WDPCP: variants seen among roughly 807,000 people sequenced by gnomAD.
WDPCP encodes WD repeat containing planar cell polarity effector.
A neutral mutation model predicts 93.1 loss-of-function variants in WDPCP; 71 were observed. The observed-to-expected ratio is 0.76, with a 90% CI of 0.63 to 0.93. The LOEUF (loss-of-function observed/expected upper bound fraction) is 0.93. Ranked by LOEUF, WDPCP falls within the 40% of genes least tolerant of loss-of-function variation. The probability of loss-of-function intolerance (pLI) is 0.00; values close to 1 mark genes in which losing one functional copy is unlikely to be tolerated. For synonymous variants in WDPCP, 315 were observed against 315.0 expected (o/e 1.00, Z 0.00); for missense variants, 844 against 887.4 (o/e 0.95, Z 0.62).
At chr2:63,643,552 C>T (rs572786281) in intron 3 of WDPCP, 12 of 428,484 alleles carry the variant, frequency 2.8e-5, no homozygotes, top group South Asian at 2.1e-4. Flanking sequence ...TCTTGCCAGT[C>T]TCCAAACCAA....
intron 10 of WDPCP, among the ~76,000 whole-genome samples, chr2:63,389,538 A>G (rs1240440656): frequency 6.6e-6 from 1 of 152,180 alleles, no homozygotes; most frequent in African/African-American, 2.4e-5. Flanking sequence ...TCACATTCAC[A>G]CATAACAATA....
At chr2:63,745,641 C>G (rs1669783249) in intron 2 of WDPCP, among the ~76,000 whole-genome samples, 1 of 55,664 alleles carries the variant, frequency 1.8e-5, no homozygotes, top group South Asian at 7.1e-4. Context: ...CATGCACGCA[C>G]TTACACACAC....
intron 1 of WDPCP, among the ~76,000 whole-genome samples, chr2:63,520,824 G>A (rs1301969932): frequency 1.3e-5 from 2 of 151,700 alleles, no homozygotes; most frequent in Admixed American, 6.6e-5. Context: ...TGAGCCTGGG[G>A]AGGTCAAAGC....
At chr2:63,727,731 CATT>C (rs556059406) in intron 2 of WDPCP, among the ~76,000 whole-genome samples, 3 of 152,160 alleles carry the variant, frequency 2.0e-5, no homozygotes, top group African/African-American at 4.8e-5. Flanking sequence ...TTTCAGAACT[CATT>C]GTTGGTCTGT....
At chr2:63,701,789 G>T (rs1245169242) in intron 2 of WDPCP, among the ~76,000 whole-genome samples, 1 of 152,090 alleles carries the variant, frequency 6.6e-6, no homozygotes. Context: ...ATATGTAGGA[G>T]CTTAAAAAGT....
chr2:63,404,031 C>G lies in WDPCP; in HGVS notation c.1435+17G>C, dbSNP rs759899103. The G allele has an allele frequency of 1.2e-6, 2 of 1,613,920 alleles. No homozygotes were observed. The highest frequency in any genetic ancestry group is 1.7e-5 in the Admixed American group (1 of 59,984). On this transcript the variant is annotated intron_variant, in intron 10 of 17. Transcript: ENST00000272321. ...TAAACATTTTAATTTACTTACTCAT[C>G]ACTTTCCTTGACTTACCTAGTTTAA...
intron 1 of WDPCP, among the ~76,000 whole-genome samples, chr2:63,554,183 T>C (rs1705896200): frequency 6.6e-6 from 1 of 152,250 alleles, no homozygotes; most frequent in Non-Finnish European, 1.5e-5. Context: ...ACATTTCTGA[T>C]GCATAAAGCT....
intron 12 of WDPCP, among the ~76,000 whole-genome samples, chr2:63,370,979 A>G (rs1691329683): frequency 6.6e-6 from 1 of 152,070 alleles, no homozygotes; most frequent in Non-Finnish European, 1.5e-5. Flanking sequence ...CGTGGCTCAT[A>G]AATTTTGAGT....
chr2:63,522,473 C>CACACACACAA (rs1333251215), intron 1 of WDPCP, among the ~76,000 whole-genome samples: 10 of 151,190 alleles, frequency 6.6e-5, no homozygotes, highest in African/African-American at 2.4e-4. Context: ...CACACACACA[C>CACACACACAA]ACACACACAC....
At chr2:63,706,083 G>A (rs978848524) in intron 2 of WDPCP, among the ~76,000 whole-genome samples, 4 of 152,028 alleles carry the variant, frequency 2.6e-5, no homozygotes, top group Non-Finnish European at 4.4e-5. Flanking sequence ...ATCTTTGTTG[G>A]TTTAAAGTCT....
At chr2:63,281,377 G>T (rs948740866) in intron 13 of WDPCP, among the ~76,000 whole-genome samples, 10 of 152,246 alleles carry the variant, frequency 6.6e-5, no homozygotes, top group Admixed American at 6.5e-4. Context: ...TTACACTGTT[G>T]GTGGGAATGT....
chr2:63,237,336 T>A (rs545281428), intron 14 of WDPCP, among the ~76,000 whole-genome samples: 1 of 152,186 alleles, frequency 6.6e-6, no homozygotes, highest in Non-Finnish European at 1.5e-5. Context: ...ACAGCAGATG[T>A]TGGCAAGGCT....
intron 12 of WDPCP, among the ~76,000 whole-genome samples, chr2:63,359,086 T>C (rs1690242989): frequency 6.6e-6 from 1 of 152,108 alleles, no homozygotes; most frequent in Non-Finnish European, 1.5e-5. Context: ...TTCCTTCCTC[T>C]TTCCACTTTC....
At chr2:63,604,309 G>C (rs1201404126) in intron 3 of WDPCP, among the ~76,000 whole-genome samples, 1 of 152,174 alleles carries the variant, frequency 6.6e-6, no homozygotes, top group Non-Finnish European at 1.5e-5. Context: ...GCACTGAGAA[G>C]ACATCTCCAA....
chr2:63,473,531 G>A (rs1699804571), intron 6 of WDPCP, among the ~76,000 whole-genome samples: 1 of 151,956 alleles, frequency 6.6e-6, no homozygotes, highest in Non-Finnish European at 1.5e-5. Context: ...GCCTTTCTGG[G>A]GTTCTATAGT....
intron 2 of WDPCP, among the ~76,000 whole-genome samples, chr2:63,763,090 C>A (rs1056109936): frequency 3.3e-5 from 5 of 152,138 alleles, no homozygotes; most frequent in African/African-American, 4.8e-5. Flanking sequence ...GAAACATGAT[C>A]ATCTATATAT....
At chr2:63,831,177 A>G (rs1024379966), upstream of WDPCP, among the ~76,000 whole-genome samples, 2 of 152,170 alleles carry the variant, frequency 1.3e-5, no homozygotes, top group African/African-American at 4.8e-5. Context: ...ATATATCTCT[A>G]AACTCTTAAA....
intron 12 of WDPCP, among the ~76,000 whole-genome samples, chr2:63,316,933 A>T (rs964366874): frequency 6.6e-6 from 1 of 152,174 alleles, no homozygotes; most frequent in Non-Finnish European, 1.5e-5. Flanking sequence ...CAAGAATGCA[A>T]TTCCATTCAC....
At chr2:63,426,284 G>A (rs1001221022) in intron 9 of WDPCP, among the ~76,000 whole-genome samples, 1 of 152,168 alleles carries the variant, frequency 6.6e-6, no homozygotes, top group Non-Finnish European at 1.5e-5. Flanking sequence ...GGAGGTTGCA[G>A]TGAGCCAAGA....
Sources: gnomAD v4.1 joint callset for allele counts (sites outside exome capture counted in the v4.1 genomes callset) on GRCh38, gnomAD v4.1.1 for gene constraint, MANE v1.5 for transcripts, NCBI Gene and HGNC (gene_info 2026-07-23, HGNC 2026-07-21) for gene names.